ABLIM1: variants seen among roughly 807,000 people sequenced by gnomAD.
ABLIM1 encodes the protein actin-binding LIM protein 1.
A neutral mutation model predicts 107.0 loss-of-function variants in ABLIM1; 40 were observed. The observed-to-expected ratio is 0.37, with a 90% confidence interval of 0.29 to 0.49. ABLIM1 has a LOEUF of 0.49. Among genes scored for constraint, ABLIM1 ranks in the 20% least tolerant of loss-of-function variants. The pLI, the probability that ABLIM1 is intolerant of heterozygous loss-of-function variation, is 0.97. For missense variants in ABLIM1, 857 were observed against 1,008.5 expected (o/e 0.85, Z 2.04); for synonymous variants, 357 against 357.3 (o/e 1.00, Z 0.01).
intron 11 of ABLIM1, among the ~76,000 whole-genome samples, chr10:114,466,301 C>A (rs1192301789): frequency 6.6e-6 from 1 of 151,916 alleles, no homozygotes; most frequent in Non-Finnish European, 1.5e-5. Context: ...CAGAGTGAGA[C>A]ACTGTTTCTT....
At chr10:114,605,307 C>T (rs1250619787) in intron 1 of ABLIM1, among the ~76,000 whole-genome samples, 2 of 152,142 alleles carry the variant, frequency 1.3e-5, no homozygotes, top group Admixed American at 1.3e-4. Flanking sequence ...TTTGTTGACT[C>T]GATGCTACAA....
chr10:114,436,996 A>C (rs1292384728), intron 22 of ABLIM1, among the ~76,000 whole-genome samples: 2 of 152,170 alleles, frequency 1.3e-5, no homozygotes, highest in South Asian at 4.1e-4. Flanking sequence ...ACTATAATAC[A>C]AAAATTAGTC....
chr10:114,453,002 C>T (rs2062134007), intron 13 of ABLIM1, among the ~76,000 whole-genome samples: 1 of 152,156 alleles, frequency 6.6e-6, no homozygotes, highest in Non-Finnish European at 1.5e-5. Flanking sequence ...GTGGTTCAGT[C>T]TTTAGGATGA....
upstream of ABLIM1, among the ~76,000 whole-genome samples, chr10:114,769,563 GAAGAAAGA>G (rs142961278): frequency 6.8e-6 from 1 of 148,018 alleles, no homozygotes. Context: ...AAAGAGAAGG[GAAGAAAGA>G]AAGAAAGAAA....
At chr10:114,783,934 C>A in the ABLIM1 span, among the ~76,000 whole-genome samples, 11 of 151,986 alleles carry the variant, frequency 7.2e-5, no homozygotes, top group African/African-American at 2.4e-4. Flanking sequence ...CTGAACTTGG[C>A]AACACGGAAG....
chr10:114,545,943 CA>C (rs35262022), intron 5 of ABLIM1, among the ~76,000 whole-genome samples: 9 of 122,436 alleles, frequency 7.4e-5, no homozygotes, highest in Non-Finnish European at 1.3e-4. Flanking sequence ...AAAAAAAAAA[CA>C]AAAAAAAAAA....
chr10:114,454,037 T>C (rs1047382905), intron 12 of ABLIM1, among the ~76,000 whole-genome samples: 5 of 152,226 alleles, frequency 3.3e-5, no homozygotes, highest in African/African-American at 1.2e-4. Flanking sequence ...TATGTTTCTG[T>C]TTTCCTCACT....
intron 1 of ABLIM1, among the ~76,000 whole-genome samples, chr10:114,718,179 T>A (rs1046075442): frequency 6.6e-6 from 1 of 151,948 alleles, no homozygotes; most frequent in Non-Finnish European, 1.5e-5. Flanking sequence ...AGGCAGGCAC[T>A]AATGCCTCTT....
chr10:114,663,703 C>T (rs1360341899), intron 1 of ABLIM1, among the ~76,000 whole-genome samples: 1 of 152,198 alleles, frequency 6.6e-6, no homozygotes, highest in African/African-American at 2.4e-5. Context: ...AGGCACATGC[C>T]CGAGAGGCCC....
At chr10:114,462,179 A>G (rs7916394) in intron 12 of ABLIM1, among the ~76,000 whole-genome samples, 97,452 of 152,084 alleles carry the variant, frequency 0.64, 32,306 homozygotes, top group African/African-American at 0.83. Flanking sequence ...GCCATGACAC[A>G]TGGAGCAGCA....
At chr10:114,540,310 C>T (rs557448215) in intron 6 of ABLIM1, among the ~76,000 whole-genome samples, 2 of 152,284 alleles carry the variant, frequency 1.3e-5, no homozygotes, top group African/African-American at 2.4e-5. Context: ...TGGAATTACA[C>T]GTATATTTTC....
At chr10:114,750,365 A>C (rs1168830915) in intron 1 of ABLIM1, among the ~76,000 whole-genome samples, 1 of 152,238 alleles carries the variant, frequency 6.6e-6, no homozygotes, top group Non-Finnish European at 1.5e-5. Context: ...CACTTTCCAT[A>C]ATCTCCATAA....
intron 2 of ABLIM1, among the ~76,000 whole-genome samples, chr10:114,583,632 G>C (rs1566010744): frequency 6.6e-6 from 1 of 151,150 alleles, no homozygotes; most frequent in African/African-American, 2.4e-5. Context: ...TATAGCCTAA[G>C]AAAAATAAAT....
chr10:114,718,467 T>C (rs1019325218), intron 1 of ABLIM1, among the ~76,000 whole-genome samples: 1 of 152,200 alleles, frequency 6.6e-6, no homozygotes, highest in African/African-American at 2.4e-5. Context: ...AAATTTTCCT[T>C]CTCCAAAAAC....
chr10:114,444,529 T>C lies in ABLIM1; in HGVS notation c.1828-395A>G, dbSNP rs575789236. Among the ~76,000 whole-genome samples the C allele has an allele frequency of 1.1e-3, 167 of 152,206 alleles. 1 individual carries two copies. The highest frequency in any genetic ancestry group is 3.8e-4 in the Non-Finnish European group (26 of 68,008). On this transcript the variant is annotated intron_variant, in intron 16 of 22. Coordinates refer to ENST00000533213, the MANE Select transcript of ABLIM1 (RefSeq NM_002313.7). ...TTTGTTTAAAAACAAGAAATAAAGG[T>C]AATACATGCTAATTTTACAGATTTT...
At chr10:114,573,715 G>C (rs1033275922) in intron 3 of ABLIM1, among the ~76,000 whole-genome samples, 1 of 152,226 alleles carries the variant, frequency 6.6e-6, no homozygotes, top group African/African-American at 2.4e-5. Context: ...GGAGATTCCA[G>C]TGATGAGCGA....
At chr10:114,740,255 G>A (rs112165345) in intron 1 of ABLIM1, among the ~76,000 whole-genome samples, 1,577 of 152,176 alleles carry the variant, frequency 0.01, 23 homozygotes, top group African/African-American at 0.035. Flanking sequence ...TTAATTATAA[G>A]AAGGACTTTA....
At chr10:114,495,302 A>G (rs2059518069) in intron 6 of ABLIM1, among the ~76,000 whole-genome samples, 1 of 152,160 alleles carries the variant, frequency 6.6e-6, no homozygotes, top group African/African-American at 2.4e-5. Context: ...TAGAGTGTTT[A>G]CCCCAGCCCG....
intron 6 of ABLIM1, among the ~76,000 whole-genome samples, chr10:114,519,684 G>C (rs2136373199): frequency 6.6e-6 from 1 of 152,322 alleles, no homozygotes; most frequent in South Asian, 2.1e-4. Context: ...GGGTTCAGGG[G>C]TCCCTGCTCT....
Sources: allele counts gnomAD v4.1 joint callset (sites outside exome capture counted in the v4.1 genomes callset), GRCh38; gene constraint gnomAD v4.1.1; transcripts MANE v1.5; gene names NCBI Gene and HGNC (gene_info 2026-07-23, HGNC 2026-07-21).